Variants in HCST observed in about 807,000 individuals in gnomAD.
The protein encoded by HCST is hematopoietic cell signal transducer, also known as DNAX-activation protein 10.
In HCST, 12 loss-of-function variants were observed where a neutral mutation model predicts 10.8. The ratio of observed to expected loss-of-function variants is 1.12; its 90% CI spans 0.72 to 1.81. The LOEUF (loss-of-function observed/expected upper bound fraction) is 1.81. Among genes scored for constraint, HCST ranks in the 40% most tolerant of loss-of-function variants. The probability of loss-of-function intolerance (pLI) is 0.00; values close to 1 mark genes in which losing one functional copy is unlikely to be tolerated. For missense variants in HCST, 102 were observed against 117.9 expected, an observed-to-expected ratio of 0.87 and a Z score of 0.62; for synonymous variants, 59 against 51.6, an observed-to-expected ratio of 1.14 and a Z score of -0.61.
At position 35,903,153 on chromosome 19, in the gene HCST, G is replaced by C. The variant is rs1048133776; in HGVS notation, c.44-198G>C. 6 of 532,836 alleles carry C rather than the reference G, an allele frequency of 1.1e-5. No individual in the cohort carries two copies. The African/African-American group carries it at 1.2e-4, about 10-fold the overall frequency. The allele number at this position is 532,836 out of a possible 1,614,324, so 33.0% of individuals were successfully genotyped here. On this transcript the variant is annotated intron_variant, in intron 1 of 3. Coordinates refer to ENST00000246551, the MANE Select transcript of HCST (RefSeq NM_014266.4). Reference sequence around the variant, plus strand: ...TTACAGGTGTGAACCAACACTTCCAGCTAATTTTTGTATTTCTTGTAGAGA... The same window carrying C: ...TTACAGGTGTGAACCAACACTTCCACCTAATTTTTGTATTTCTTGTAGAGA...
intron 1 of HCST, chr19:35,903,117 A>C (rs1468542017): frequency 6.1e-6 from 3 of 491,944 alleles, no homozygotes; most frequent in Admixed American, 3.3e-5. Flanking sequence ...CAGCCTCCCG[A>C]GTAACTGGGA....
chr19:35,903,530 G>T, intron 2 of HCST, 114 bp downstream of exon 2: 1 of 1,133,746 alleles, frequency 8.8e-7, no homozygotes. Context: ...CCTTCTCCGA[G>T]TCCCAGAATC....
rs1268034413 is a variant in HCST, at chr19:35,902,560, C to T, written c.-34C>T. ...CCTCTGGACTTCTCTGGACCACAGTCCTCTGCCAGACCCCTGCCAGACCCC... is the reference window on the plus strand; with the variant it reads ...CCTCTGGACTTCTCTGGACCACAGTTCTCTGCCAGACCCCTGCCAGACCCC... On this transcript the variant is annotated 5_prime_UTR_variant, in exon 1 of 4. Transcript: ENST00000246551. 34 of 1,609,698 alleles carry T rather than the reference C, an allele frequency of 2.1e-5. No individual in the cohort carries two copies. Among genetic ancestry groups the T allele is most frequent in the Non-Finnish European group, 2.8e-5 (33 of 1,176,446 alleles).
At chr19:35,902,769 G>A in intron 1 of HCST, 133 bp downstream of exon 1, 1 of 919,384 alleles carries the variant, frequency 1.1e-6, no homozygotes, top group Non-Finnish European at 1.7e-6. Context: ...GATCCATTCT[G>A]CTTCAGGGCC....
chr19:35,903,809 C>T lies in HCST; in HGVS notation c.147C>T (p.Leu49=), dbSNP rs144480693. ...CSGCGSLSLP[L]LAGLVAADAV... is the part of the protein sequence containing the mutation. ...GATGTGGGTCCCTCTCTCTGCCGCT[C>T]CTGGCAGGCCTCGTGGCTGCTGATG... Residue 49 remains leucine, a synonymous_variant, in exon 3 of 4, where the codon CTC becomes CTT. Transcript: ENST00000246551. 15 of 1,613,962 alleles carry T rather than the reference C, an allele frequency of 9.3e-6. No homozygotes were observed. In the African/African-American group the frequency reaches 1.9e-4, roughly 20 times the overall value.
At position 35,904,202 on chromosome 19, in the gene HCST, C is replaced by T. The variant is rs765270571; in HGVS notation, c.*42C>T. The T allele has an allele frequency of 1.2e-6, 2 of 1,601,598 alleles. No individual in the cohort carries two copies. Among genetic ancestry groups the T allele is most frequent in the African/African-American group, 2.7e-5 (2 of 74,660 alleles). On this transcript the variant is annotated 3_prime_UTR_variant, in exon 4 of 4. Transcript: ENST00000246551. The stretch of plus-strand genomic sequence containing the variant: ...ACCTTTGACTTCTGACCCTCTCATC[C>T]TGGATGGTGTGTGGTGGCACAGGAA...
intron 3 of HCST, 104 bp from the exon 4 acceptor site, chr19:35,904,016 G>C: frequency 1.3e-6 from 2 of 1,588,504 alleles, no homozygotes; most frequent in Non-Finnish European, 1.7e-6. Context: ...AACCCTGGGG[G>C]AGGTGCCTGG....
intron 1 of HCST, 113 bp from the exon 2 acceptor site, chr19:35,903,238 G>A: frequency 1.2e-6 from 1 of 860,154 alleles, no homozygotes; most frequent in Non-Finnish European, 1.9e-6. Context: ...CGATCTTCCT[G>A]CCTCGGCCTC....
chr19:35,904,156 G>C lies in HCST; in HGVS notation c.278G>C (p.Gly93Ala), dbSNP rs1437029523. The C allele has an allele frequency of 1.2e-6, 2 of 1,614,018 alleles. No individual in the cohort carries two copies. Among genetic ancestry groups the C allele is most frequent in the Non-Finnish European group, 1.7e-6 (2 of 1,179,990 alleles). Residue 93 changes from glycine to alanine, a missense_variant, in exon 4 of 4, where the codon GGC becomes GCC. Physicochemically the swap from Gly to Ala is moderately conservative, Grantham distance 60. Coordinates refer to ENST00000246551, the MANE Select transcript of HCST (RefSeq NM_014266.4). ...GTCTACATCAACATGCCAGGCAGGG[G>C]CTGACCCTCCTGCAGCTTGGACCTT... is the stretch of plus-strand genomic sequence containing the variant. ...GKVYINMPGR[G>A]
chr19:35,903,991 AGGAGGTGCTGGGGAAACCCTGGG>A (rs1419073485), intron 3 of HCST, 88 bp downstream of exon 3: 4 of 1,579,382 alleles, frequency 2.5e-6, no homozygotes, highest in Non-Finnish European at 2.6e-6. Flanking sequence ...GAAGCCCTGG[AGGAGGTGCTGGGGAAACCCTGGG>A]GGAGGTGCCT....
rs182961452 is a variant in HCST, at chr19:35,904,061, C to T, written c.242-59C>T. 703 of 1,607,526 alleles carry T rather than the reference C, an allele frequency of 4.4e-4. 9 individuals are homozygous for T. In the East Asian group the frequency reaches 0.013, roughly 31 times the overall value. ...TGAGGAAACCCCTGAAGCAGGGGGT[C>T]CCCAGGGAAGTGGAGATATGGGTGG... On this transcript the variant is annotated intron_variant, in intron 3 of 3. Transcript: ENST00000246551.
At chr19:35,902,728 T>C (rs956103486) in intron 1 of HCST, 92 bp downstream of exon 1, 5 of 1,287,534 alleles carry the variant, frequency 3.9e-6, no homozygotes, top group African/African-American at 2.9e-5. Context: ...GAAAGTGGGG[T>C]TCTTCTCCCT....
At chr19:35,903,537 A>C (rs1975635009) in intron 2 of HCST, 121 bp downstream of exon 2, 2 of 1,099,486 alleles carry the variant, frequency 1.8e-6, no homozygotes, top group African/African-American at 3.1e-5. Context: ...CGAGTCCCAG[A>C]ATCAGCGACC....
Position 35,904,259 on chromosome 19 carries a change from C to A in HCST, c.*99C>A. 5.0e-6 allele frequency: 6 copies of A among 1,198,762 alleles called. No individual in the cohort carries two copies. The highest frequency in any genetic ancestry group is 7.4e-6 in the Non-Finnish European group (6 of 809,874). The allele number at this position is 1,198,762 out of a possible 1,614,324, so 74.3% of individuals were successfully genotyped here. ...CCCCAACTTTTGGATTGTAATAAAA[C>A]AATTGAAACACCTGTAGTCGTATTC... On this transcript the variant is annotated 3_prime_UTR_variant, in exon 4 of 4. Coordinates refer to ENST00000246551, the MANE Select transcript of HCST (RefSeq NM_014266.4).
At chr19:35,903,266 C>T in intron 1 of HCST, 85 bp from the exon 2 acceptor site, 2 of 1,214,190 alleles carry the variant, frequency 1.6e-6, no homozygotes, top group South Asian at 1.2e-5. Context: ...GCTGGGATGA[C>T]AGGCGTGAGC....
At position 35,903,515 on chromosome 19, in the gene HCST, C is replaced by T. The variant is rs964553693; in HGVS notation, c.109+99C>T. ...CCTCCCGTCCCCAAATCAGAGGATC[C>T]GTGTCCTTCTCCGAGTCCCAGAATC... On this transcript the variant is annotated intron_variant, in intron 2 of 3. Coordinates refer to ENST00000246551, the MANE Select transcript of HCST (RefSeq NM_014266.4). The T allele has an allele frequency of 1.9e-5, 23 of 1,183,426 alleles. No homozygotes were observed. In the Middle Eastern group the frequency reaches 7.7e-4, roughly 39 times the overall value. The allele number at this position is 1,183,426 out of a possible 1,614,324, so 73.3% of individuals were successfully genotyped here. A position where few individuals can be genotyped will look rare whatever the true frequency, so the allele number is the denominator to read the frequency against.
chr19:35,904,351 C>A lies in HCST; in HGVS notation c.*191C>A. 1 of 806,776 alleles carries A rather than the reference C, an allele frequency of 1.2e-6. No homozygotes were observed. The allele number at this position is 806,776 out of a possible 1,614,324, so 50.0% of individuals were successfully genotyped here. The stretch of plus-strand genomic sequence containing the variant: ...GAACTGTTTCTGGATCCAAGGCCCC[C>A]TCAGAACCCCCACATGTCCCCATCC... On this transcript the variant is annotated 3_prime_UTR_variant, in exon 4 of 4. Coordinates refer to ENST00000246551, the MANE Select transcript of HCST (RefSeq NM_014266.4).
chr19:35,902,629 G>A lies in HCST; in HGVS notation c.36G>A (p.Leu12=). The stretch of plus-strand genomic sequence containing the variant: ...TGGGTCACATCCTCTTCCTGCTTTT[G>A]CTCCCAGGTGAAGCCAGTGGTTACA... The part of the protein sequence containing the change: ...IHLGHILFLL[L]LPVAAAQTTP... Residue 12 remains leucine, a synonymous_variant, in exon 1 of 4, where the codon TTG becomes TTA. Coordinates refer to ENST00000246551, the MANE Select transcript of HCST (RefSeq NM_014266.4). 1 of 1,614,166 alleles carries A rather than the reference G, an allele frequency of 6.2e-7. No individual in the cohort carries two copies. The highest frequency in any genetic ancestry group is 8.5e-7 in the Non-Finnish European group (1 of 1,180,018).
Position 35,904,198 on chromosome 19 carries a change from C to T in HCST, c.*38C>T. The T allele has an allele frequency of 6.2e-7, 1 of 1,605,576 alleles. No homozygotes were observed. The highest frequency in any genetic ancestry group is 8.5e-7 in the Non-Finnish European group (1 of 1,172,292). On this transcript the variant is annotated 3_prime_UTR_variant, in exon 4 of 4. Transcript: ENST00000246551. ...TTGGACCTTTGACTTCTGACCCTCTCATCCTGGATGGTGTGTGGTGGCACA... is the reference window on the plus strand; with the variant it reads ...TTGGACCTTTGACTTCTGACCCTCTTATCCTGGATGGTGTGTGGTGGCACA...
Sources: allele counts gnomAD v4.1 joint callset, GRCh38; gene constraint gnomAD v4.1.1; transcripts MANE v1.5; gene names NCBI Gene and HGNC (gene_info 2026-07-23, HGNC 2026-07-21).